The following RGSL1 variants were observed in gnomAD, a reference collection of about 807,000 sequenced individuals.
RGSL1 encodes regulator of G protein signaling protein-like.
In RGSL1, 97 loss-of-function variants were observed where a neutral mutation model predicts 124.7. That is an observed-to-expected ratio of 0.78 (90% CI 0.66 to 0.92). The LOEUF (loss-of-function observed/expected upper bound fraction) is 0.92, where lower values mean the gene tolerates loss of function less well. Among genes scored for constraint, RGSL1 ranks in the 40% least tolerant of loss-of-function variants. RGSL1 has a pLI of 0.00. For missense variants in RGSL1, 1,233 were observed against 1,288.4 expected (o/e 0.96, Z 0.66); for synonymous variants, 424 against 438.1 (o/e 0.97, Z 0.40).
chr1:182,553,888 C>A (rs565464394), intron 19 of RGSL1, among the ~76,000 whole-genome samples: 1 of 152,244 alleles, frequency 6.6e-6, no homozygotes, highest in East Asian at 1.9e-4. Context: ...ATCACAGTGT[C>A]CTAATTGTTA....
chr1:182,546,671 G>A (rs1486183468), intron 15 of RGSL1, among the ~76,000 whole-genome samples: 1 of 152,194 alleles, frequency 6.6e-6, no homozygotes, highest in Non-Finnish European at 1.5e-5. Flanking sequence ...AATTACAGGT[G>A]TGAGCCACTG....
chr1:182,489,349 G>C, intron 8 of RGSL1, 147 bp downstream of exon 8: 1 of 693,906 alleles, frequency 1.4e-6, no homozygotes, highest in East Asian at 2.7e-5. Flanking sequence ...TAAGAGGTAA[G>C]TACTAAGTAA....
intron 4 of RGSL1, among the ~76,000 whole-genome samples, chr1:182,463,228 A>G (rs1652993100): frequency 6.7e-6 from 1 of 149,390 alleles, no homozygotes; most frequent in South Asian, 2.1e-4. Flanking sequence ...TGGGAGGCGG[A>G]GCTTGCAGTG....
At chr1:182,497,581 A>C (rs903340978) in intron 9 of RGSL1, among the ~76,000 whole-genome samples, 1 of 152,036 alleles carries the variant, frequency 6.6e-6, no homozygotes. Context: ...AAACAAGGAC[A>C]TTCTCCCACA....
rs1027753608 is a variant in RGSL1 at position 182,467,336 on chromosome 1, C to T, written c.302-5060C>T. ...TCAATCCTAAGCCAAAAGAACAAAG[C>T]TGGAGGCATCATGTTATCTGACTTC... is the stretch of plus-strand genomic sequence containing the variant. On this transcript the variant is annotated intron_variant, in intron 4 of 21. Coordinates refer to ENST00000294854, the MANE Select transcript of RGSL1 (RefSeq NM_001137669.2). Among the ~76,000 whole-genome samples, 8 of 152,286 alleles carry T rather than the reference C, an allele frequency of 5.3e-5. 1 individual carries two copies. The highest frequency in any genetic ancestry group is 1.9e-4 in the East Asian group (1 of 5,186).
rs1658856969 is a variant in RGSL1 at position 182,527,715 on chromosome 1, T to C, written c.2068T>C (p.Cys690Arg). Residue 690 changes from cysteine to arginine, a missense_variant, in exon 11 of 22, where the codon TGC becomes CGC. Physicochemically the swap from Cys to Arg is radical, Grantham distance 180 (BLOSUM62 -3). Coordinates refer to ENST00000294854, the MANE Select transcript of RGSL1 (RefSeq NM_001137669.2). ...CAGTATAGAGACCAATGAAAAGATT[T>C]GCAAGTCTCTCATAGAAAATGTAAT... is the stretch of plus-strand genomic sequence containing the variant. ...KISIETNEKI[C>R]KSLIENVIKT... is the part of the protein sequence containing the mutation. The C allele has an allele frequency of 6.4e-7, 1 of 1,551,206 alleles. No individual in the cohort carries two copies. Among genetic ancestry groups the C allele is most frequent in the Non-Finnish European group, 8.7e-7 (1 of 1,146,712 alleles).
At chr1:182,542,777 TTTAAG>T (rs1284823967) in intron 15 of RGSL1, among the ~76,000 whole-genome samples, 1 of 152,082 alleles carries the variant, frequency 6.6e-6, no homozygotes, top group African/African-American at 2.4e-5. Context: ...CAGTTCTTTG[TTTAAG>T]TTAATTCCTA....
chr1:182,500,578 AT>A (rs1445201821), intron 9 of RGSL1, among the ~76,000 whole-genome samples: 1 of 152,108 alleles, frequency 6.6e-6, no homozygotes, highest in Non-Finnish European at 1.5e-5. Flanking sequence ...ATTGTACTGA[AT>A]CTATAGATCA....
At chr1:182,513,571 T>C (rs974880721) in intron 9 of RGSL1, among the ~76,000 whole-genome samples, 1 of 152,174 alleles carries the variant, frequency 6.6e-6, no homozygotes, top group Non-Finnish European at 1.5e-5. Context: ...TTTTGCCACA[T>C]CGGTAGTAGT....
At chr1:182,501,254 TTC>T (rs1329775668) in intron 9 of RGSL1, among the ~76,000 whole-genome samples, 68 of 41,404 alleles carry the variant, frequency 1.6e-3, no homozygotes, top group African/African-American at 7.5e-3. Flanking sequence ...CGTCCTTCCT[TTC>T]TCTCTTTCTC....
intron 9 of RGSL1, among the ~76,000 whole-genome samples, chr1:182,513,770 T>C (rs1254667354): frequency 3.9e-5 from 6 of 152,162 alleles, no homozygotes; most frequent in Non-Finnish European, 8.8e-5. Flanking sequence ...AGGGGCTGCC[T>C]GAATAATAAA....
intron 15 of RGSL1, among the ~76,000 whole-genome samples, chr1:182,546,614 G>T (rs555637916): frequency 6.6e-6 from 1 of 152,076 alleles, no homozygotes; most frequent in South Asian, 2.1e-4. Flanking sequence ...GGATGGTCTC[G>T]ATCTCCTGAC....
chr1:182,558,561 A>C (rs1332087858), intron 21 of RGSL1, among the ~76,000 whole-genome samples: 2 of 152,180 alleles, frequency 1.3e-5, no homozygotes, highest in Non-Finnish European at 2.9e-5. Flanking sequence ...GGTTATTGGC[A>C]GAATTCAGTC....
At chr1:182,477,003 C>T (rs1430453473) in intron 6 of RGSL1, among the ~76,000 whole-genome samples, 1 of 152,172 alleles carries the variant, frequency 6.6e-6, no homozygotes, top group East Asian at 1.9e-4. Context: ...TCACTAAATA[C>T]ATACATACTC....
At chr1:182,490,786 T>C (rs1464276931) in intron 8 of RGSL1, among the ~76,000 whole-genome samples, 1 of 152,196 alleles carries the variant, frequency 6.6e-6, no homozygotes, top group Non-Finnish European at 1.5e-5. Flanking sequence ...TCACTGCTTT[T>C]TTGGAGCACA....
chr1:182,447,929 C>T (rs1027022073), upstream of RGSL1: 5 of 149,412 alleles, frequency 3.3e-5, no homozygotes, highest in African/African-American at 7.4e-5. Flanking sequence ...GTCCCTCATC[C>T]AATTTTCAGC....
In RGSL1 at chr1:182,489,092, T is replaced by C; in HGVS notation, c.1607T>C (p.Leu536Ser). The C allele has an allele frequency of 5.2e-6, 8 of 1,551,672 alleles. No individual in the cohort carries two copies. Among genetic ancestry groups the C allele is most frequent in the Middle Eastern group, 1.7e-4 (1 of 5,990 alleles). Residue 536 changes from leucine (L) to serine (S), a missense_variant, in exon 8 of 22, where the codon TTG becomes TCG. Coordinates refer to ENST00000294854, the MANE Select transcript of RGSL1 (RefSeq NM_001137669.2). ...CAGTCTCTAGAGTTAAGCCAGGCTT[T>C]GGCTGACATGAAGGAAATGGACTAT... ...IQQSLELSQA[L>S]ADMKEMDYRQ...
intron 6 of RGSL1, among the ~76,000 whole-genome samples, chr1:182,481,175 G>T (rs545771613): frequency 6.6e-6 from 1 of 151,398 alleles, no homozygotes; most frequent in African/African-American, 2.4e-5. Flanking sequence ...GTTTTCTTAA[G>T]CAATAAATGA....
At chr1:182,511,175 A>AT (rs1330487876) in intron 9 of RGSL1, among the ~76,000 whole-genome samples, 2 of 151,864 alleles carry the variant, frequency 1.3e-5, no homozygotes, top group Non-Finnish European at 2.9e-5. Context: ...TGCTTTCTTT[A>AT]TTTTTTTGAG....
Sources: gnomAD v4.1 joint callset for allele counts (sites outside exome capture counted in the v4.1 genomes callset) on GRCh38, gnomAD v4.1.1 for gene constraint, MANE v1.5 for transcripts, NCBI Gene and HGNC (gene_info 2026-07-23, HGNC 2026-07-21) for gene names.